Variants in KIAA1671 observed in about 807,000 individuals in gnomAD.
KIAA1671 encodes the protein uncharacterized protein KIAA1671.
Under a neutral mutation model 131.2 loss-of-function variants are expected in KIAA1671, and 52 were observed. The observed-to-expected ratio is 0.40, with a 90% CI of 0.32 to 0.50. The LOEUF (loss-of-function observed/expected upper bound fraction) is 0.50, where lower values mean the gene tolerates loss of function less well. KIAA1671 is among the 20% of genes least tolerant of loss of function. The pLI is 0.73. For missense variants in KIAA1671, 2,360 were observed against 2,364.2 expected (o/e 1.00, Z 0.04); for synonymous variants, 1,003 against 961.6 (o/e 1.04, Z -0.80).
At chr22:25,092,179 C>T (rs1282260033) in intron 6 of KIAA1671, among the ~76,000 whole-genome samples, 3 of 152,068 alleles carry the variant, frequency 2.0e-5, no homozygotes, top group African/African-American at 7.2e-5. Flanking sequence ...CAGATAAATG[C>T]ATGAAGACAA....
intron 8 of KIAA1671, 46 bp downstream of exon 8, chr22:25,174,535 C>T (rs1933958946): frequency 2.7e-6 from 4 of 1,473,358 alleles, no homozygotes; most frequent in Non-Finnish European, 3.6e-6. Context: ...GAAATTCCAG[C>T]CTCTCTCTGT....
intron 6 of KIAA1671, among the ~76,000 whole-genome samples, chr22:25,127,488 C>A (rs575382791): frequency 2.0e-5 from 3 of 152,130 alleles, no homozygotes; most frequent in African/African-American, 7.2e-5. Context: ...GAGCCAGCAG[C>A]CCCATCCTCT....
At chr22:25,068,052 C>T (rs958727383) in intron 6 of KIAA1671, among the ~76,000 whole-genome samples, 36 of 152,394 alleles carry the variant, frequency 2.4e-4, no homozygotes, top group African/African-American at 8.4e-4. Context: ...CAGCAGGACC[C>T]AGTGCTCTGG....
intron 1 of KIAA1671, chr22:25,014,096 G>A (rs1345395456): frequency 1.3e-5 from 2 of 152,186 alleles, no homozygotes; most frequent in Non-Finnish European, 2.9e-5. Context: ...AATTGTATGT[G>A]GATGTTCATT....
chr22:25,144,602 T>C (rs1174380366), intron 6 of KIAA1671, among the ~76,000 whole-genome samples: 2 of 152,214 alleles, frequency 1.3e-5, no homozygotes, highest in Non-Finnish European at 2.9e-5. Context: ...TGGCCTCACA[T>C]GGGAGGCGAA....
intron 1 of KIAA1671, among the ~76,000 whole-genome samples, chr22:24,979,596 G>A (rs374937135): frequency 2.0e-5 from 3 of 151,856 alleles, no homozygotes; most frequent in South Asian, 2.1e-4. Flanking sequence ...TGATCCGCCC[G>A]CCTCGGCCTC....
At chr22:25,181,171 C>A (rs1039811095) in intron 9 of KIAA1671, among the ~76,000 whole-genome samples, 1 of 152,140 alleles carries the variant, frequency 6.6e-6, no homozygotes, top group East Asian at 1.9e-4. Flanking sequence ...GTGGGATAGG[C>A]AGCCCATCAC....
rs555662869 is a variant in KIAA1671 at position 25,092,257 on chromosome 22, T to C, written c.4530+42893T>C. On this transcript the variant is annotated intron_variant, in intron 6 of 12. Transcript: ENST00000358431. ...GAGGAAGCGTGACTGGAATAAAATT[T>C]GGGTGGAGCCCTGAGGGAAGGAGCC... Among the ~76,000 whole-genome samples the C allele has an allele frequency of 4.6e-5, 7 of 152,272 alleles. No individual in the cohort carries two copies. In the East Asian group the frequency reaches 1.2e-3, roughly 25 times the overall value.
intron 6 of KIAA1671, among the ~76,000 whole-genome samples, chr22:25,163,389 T>A (rs1028540263): frequency 1.5e-5 from 2 of 137,768 alleles, no homozygotes; most frequent in Non-Finnish European, 3.1e-5. Context: ...ATGGCAGACA[T>A]CTTTCTGTGA....
chr22:25,040,625 T>C lies in KIAA1671; in HGVS notation c.3495T>C (p.Thr1165=). ...GCGGAGCTCCCCAAACCACCCCGAC[T>C]CTGAGGAGTCGTCCAAAAGATCTTC... ...PSGGAPQTTP[T]LRSRPKDLPV... is the part of the protein sequence containing the mutation. The change falls in exon 5 of 13, where the codon ACT becomes ACC. Residue 1165 remains threonine (T), a synonymous_variant. Coordinates refer to ENST00000358431, the MANE Select transcript of KIAA1671 (RefSeq NM_001145206.2). 1 of 1,551,856 alleles carries C rather than the reference T, an allele frequency of 6.4e-7. No individual in the cohort carries two copies. The highest frequency in any genetic ancestry group is 1.2e-5 in the South Asian group (1 of 84,062).
At position 25,045,735 on chromosome 22, in the gene KIAA1671, G is replaced by C. The variant is rs376354004; in HGVS notation, c.4396-3495G>C. 2.0e-3 allele frequency among the ~76,000 whole-genome samples: 301 copies of C among 152,106 alleles called. 7 individuals carry two copies. The South Asian group carries it at 0.04, about 20-fold the overall frequency. On this transcript the variant is annotated intron_variant, in intron 5 of 12. Transcript: ENST00000358431. ...CTCCTGAGTAGCTGGGACTACAGGT[G>C]CACACCACCATTCCTGGCTAATTTT... is the stretch of plus-strand genomic sequence containing the variant.
At chr22:25,037,297 T>C (rs1926660352) in intron 4 of KIAA1671, among the ~76,000 whole-genome samples, 1 of 152,190 alleles carries the variant, frequency 6.6e-6, no homozygotes, top group Non-Finnish European at 1.5e-5. Flanking sequence ...CACTCCAGCC[T>C]GGGCAAAAGA....
At chr22:25,047,042 C>T (rs756047145) in intron 5 of KIAA1671, among the ~76,000 whole-genome samples, 50 of 150,920 alleles carry the variant, frequency 3.3e-4, no homozygotes, top group Non-Finnish European at 5.7e-4. Context: ...GAGATCATGG[C>T]TCACTGCGGC....
intron 6 of KIAA1671, among the ~76,000 whole-genome samples, chr22:25,078,714 G>A (rs1929240788): frequency 6.6e-6 from 1 of 152,160 alleles, no homozygotes; most frequent in Non-Finnish European, 1.5e-5. Context: ...TGTGCCAAGG[G>A]TCTGGTTTGG....
intron 1 of KIAA1671, among the ~76,000 whole-genome samples, chr22:24,995,355 G>A (rs1602053992): frequency 7.3e-6 from 1 of 136,304 alleles, no homozygotes; most frequent in African/African-American, 2.7e-5. Flanking sequence ...CCCGGCCAAG[G>A]TTTTTTTTTT....
chr22:25,185,683 G>C (rs1294864224), intron 11 of KIAA1671: 1 of 152,518 alleles, frequency 6.6e-6, no homozygotes, highest in Non-Finnish European at 1.5e-5. Context: ...TGGAGGTTAA[G>C]AACAGGGGAT....
intron 1 of KIAA1671, among the ~76,000 whole-genome samples, chr22:24,955,342 C>A (rs1411406288): frequency 6.6e-6 from 1 of 152,166 alleles, no homozygotes; most frequent in Non-Finnish European, 1.5e-5. Context: ...TGAACATATG[C>A]ATTTGTCTGG....
intron 1 of KIAA1671, among the ~76,000 whole-genome samples, chr22:24,992,901 G>C (rs1336175870): frequency 6.7e-6 from 1 of 150,064 alleles, no homozygotes; most frequent in Admixed American, 6.7e-5. Context: ...ATTCAAAGCA[G>C]ATAGGTTTAA....
intron 6 of KIAA1671, among the ~76,000 whole-genome samples, chr22:25,121,461 C>G (rs943524755): frequency 1.6e-5 from 1 of 61,336 alleles, no homozygotes; most frequent in Non-Finnish European, 3.4e-5. Flanking sequence ...GACTCCATCT[C>G]AAAAAAAAAA....
Sources: allele counts gnomAD v4.1 joint callset (sites outside exome capture counted in the v4.1 genomes callset), GRCh38; gene constraint gnomAD v4.1.1; transcripts MANE v1.5; gene names NCBI Gene and HGNC (gene_info 2026-07-23, HGNC 2026-07-21).